CYSLTR2: variants seen among roughly 807,000 people sequenced by gnomAD.
CYSLTR2 encodes the protein cysteinyl leukotriene receptor 2.
For synonymous variants in CYSLTR2, 179 were observed against 160.8 expected, an observed-to-expected ratio of 1.11 and a Z score of -0.86; for missense variants, 398 against 411.9, an observed-to-expected ratio of 0.97 and a Z score of 0.29.
chr13:48,673,948 C>G (rs369124927), intron 1 of CYSLTR2, among the ~76,000 whole-genome samples: 1 of 152,146 alleles, frequency 6.6e-6, no homozygotes, highest in East Asian at 1.9e-4. Flanking sequence ...TGAATATTGG[C>G]CCCCACTCTT....
intron 4 of CYSLTR2, among the ~76,000 whole-genome samples, chr13:48,701,264 G>A (rs910303123): frequency 1.1e-4 from 17 of 152,030 alleles, no homozygotes; most frequent in African/African-American, 3.4e-4. Context: ...AAAACATCAC[G>A]GTACTGGTAC....
chr13:48,706,202 G>A (rs570764955), intron 4 of CYSLTR2, among the ~76,000 whole-genome samples: 1 of 152,098 alleles, frequency 6.6e-6, no homozygotes, highest in East Asian at 1.9e-4. Flanking sequence ...CACCATGTTG[G>A]CCAGACTGGT....
intron 4 of CYSLTR2, among the ~76,000 whole-genome samples, chr13:48,700,471 C>A (rs188537145): frequency 2.6e-5 from 4 of 151,970 alleles, no homozygotes; most frequent in Non-Finnish European, 5.9e-5. Context: ...ATTCAACAAC[C>A]CTTCATGCTA....
intron 1 of CYSLTR2, among the ~76,000 whole-genome samples, chr13:48,687,494 A>C (rs1207672807): frequency 6.6e-6 from 1 of 152,124 alleles, no homozygotes; most frequent in Non-Finnish European, 1.5e-5. Flanking sequence ...TCTATCAATT[A>C]TCTATAATCT....
At chr13:48,705,030 A>T (rs1476511236) in intron 4 of CYSLTR2, among the ~76,000 whole-genome samples, 1 of 152,164 alleles carries the variant, frequency 6.6e-6, no homozygotes, top group Non-Finnish European at 1.5e-5. Context: ...TCAATTGCTG[A>T]GAGAGGTCCT....
At chr13:48,698,626 TA>T (rs1189736244) in intron 4 of CYSLTR2, among the ~76,000 whole-genome samples, 5 of 152,132 alleles carry the variant, frequency 3.3e-5, no homozygotes, top group Non-Finnish European at 5.9e-5. Flanking sequence ...ACAAGCAAAA[TA>T]ACCAGCTAAC....
intron 4 of CYSLTR2, among the ~76,000 whole-genome samples, chr13:48,701,096 T>C (rs1300396622): frequency 6.6e-6 from 1 of 152,168 alleles, no homozygotes; most frequent in Admixed American, 6.5e-5. Context: ...CCCATCAAGC[T>C]ACCAATGACT....
At chr13:48,666,410 T>G (rs931516456) in intron 1 of CYSLTR2, among the ~76,000 whole-genome samples, 2 of 152,154 alleles carry the variant, frequency 1.3e-5, no homozygotes, top group East Asian at 3.8e-4. Flanking sequence ...ATTTGGAAAT[T>G]TTTTAGCTTC....
chr13:48,700,143 G>T (rs1490879326), intron 4 of CYSLTR2, among the ~76,000 whole-genome samples: 1 of 152,206 alleles, frequency 6.6e-6, no homozygotes, highest in Non-Finnish European at 1.5e-5. Flanking sequence ...AATAGAAAAA[G>T]AGGGAATCCT....
intron 4 of CYSLTR2, among the ~76,000 whole-genome samples, chr13:48,700,730 A>T (rs973314748): frequency 6.6e-6 from 1 of 152,052 alleles, no homozygotes; most frequent in African/African-American, 2.4e-5. Flanking sequence ...TCAAATTGTC[A>T]CTGTTTGCAG....
intron 1 of CYSLTR2, among the ~76,000 whole-genome samples, chr13:48,668,320 G>A (rs954075020): frequency 6.6e-6 from 1 of 152,108 alleles, no homozygotes; most frequent in Non-Finnish European, 1.5e-5. Context: ...AAGGTTATTT[G>A]GATTGGCAAG....
intron 4 of CYSLTR2, among the ~76,000 whole-genome samples, chr13:48,698,445 A>G (rs1408994198): frequency 1.3e-5 from 2 of 152,198 alleles, no homozygotes; most frequent in Non-Finnish European, 2.9e-5. Flanking sequence ...AAGGAGAAAT[A>G]AAATCCTTTA....
At chr13:48,661,698 C>T (rs1019848681) in intron 1 of CYSLTR2, among the ~76,000 whole-genome samples, 1 of 152,170 alleles carries the variant, frequency 6.6e-6, no homozygotes, top group Non-Finnish European at 1.5e-5. Context: ...CTCCTGTGAA[C>T]ACTTCTATTT....
chr13:48,680,857 A>C (rs1253277455), intron 1 of CYSLTR2, among the ~76,000 whole-genome samples: 1 of 140,390 alleles, frequency 7.1e-6, no homozygotes, highest in Non-Finnish European at 1.5e-5. Context: ...GTGTAGTCAA[A>C]TGTATTTTAT....
At chr13:48,656,324 G>A (rs182418132) in intron 1 of CYSLTR2, among the ~76,000 whole-genome samples, 2 of 152,222 alleles carry the variant, frequency 1.3e-5, no homozygotes, top group East Asian at 3.9e-4. Flanking sequence ...GTACATTATT[G>A]TCACAAATCT....
At chr13:48,706,209 T>G (rs1198438916) in intron 4 of CYSLTR2, among the ~76,000 whole-genome samples, 1 of 152,176 alleles carries the variant, frequency 6.6e-6, no homozygotes, top group Non-Finnish European at 1.5e-5. Context: ...TTGGCCAGAC[T>G]GGTCTTGAAC....
chr13:48,672,670 T>G (rs540977044), intron 1 of CYSLTR2, among the ~76,000 whole-genome samples: 15 of 148,992 alleles, frequency 1.0e-4, no homozygotes, highest in Non-Finnish European at 1.6e-4. Flanking sequence ...CAGGTTGGAC[T>G]GCAGTGGCAC....
At chr13:48,690,824 G>T (rs541458169) in intron 1 of CYSLTR2, among the ~76,000 whole-genome samples, 2 of 152,256 alleles carry the variant, frequency 1.3e-5, no homozygotes, top group East Asian at 3.9e-4. Context: ...GATTCAGAAG[G>T]AATGGTACCA....
At chr13:48,657,756 A>G (rs1212748970) in intron 1 of CYSLTR2, among the ~76,000 whole-genome samples, 2 of 151,460 alleles carry the variant, frequency 1.3e-5, no homozygotes, top group African/African-American at 2.4e-5. Flanking sequence ...CAGAAAAACA[A>G]TCATCTAAAG....
Sources: gnomAD v4.1 joint callset for allele counts (sites outside exome capture counted in the v4.1 genomes callset) on GRCh38, gnomAD v4.1.1 for gene constraint, MANE v1.5 for transcripts, NCBI Gene and HGNC (gene_info 2026-07-23, HGNC 2026-07-21) for gene names.